FBXO16: variants seen among roughly 807,000 people sequenced by gnomAD.
FBXO16 encodes F-box protein 16, also known as F-box only protein 16.
A neutral mutation model predicts 41.0 loss-of-function variants in FBXO16; 31 were observed. That is an observed-to-expected ratio of 0.76 (90% CI 0.57 to 1.02). The LOEUF is 1.02. Among genes scored for constraint, FBXO16 ranks in the 50% least tolerant of loss-of-function variants. The pLI is 0.00. For missense variants in FBXO16, 361 were observed against 346.2 expected, an observed-to-expected ratio of 1.04 and a Z score of -0.34; for synonymous variants, 133 against 117.8, an observed-to-expected ratio of 1.13 and a Z score of -0.84.
At chr8:28,429,431 A>C (rs2130066737) in intron 7 of FBXO16, 28 bp from the exon 8 acceptor site, 2 of 1,613,420 alleles carry the variant, frequency 1.2e-6, no homozygotes, top group South Asian at 2.2e-5. Context: ...AGGGAAGAGA[A>C]TGGAGAGAGG....
chr8:28,480,189 T>C (rs1038711579), intron 2 of FBXO16, among the ~76,000 whole-genome samples: 1 of 152,184 alleles, frequency 6.6e-6, no homozygotes, highest in Non-Finnish European at 1.5e-5. Flanking sequence ...CCTTTATCAT[T>C]TTCCTTTTTC....
intron 3 of FBXO16, chr8:28,465,283 T>C (rs1803217088): frequency 8.6e-6 from 3 of 347,924 alleles, no homozygotes; most frequent in South Asian, 6.3e-5. Context: ...TCCTCAGAGC[T>C]GAGCAGAGGA....
intron 4 of FBXO16, among the ~76,000 whole-genome samples, chr8:28,459,620 CAAA>C (rs1203607328): frequency 2.1e-5 from 2 of 95,316 alleles, no homozygotes; most frequent in Admixed American, 1.1e-4. Flanking sequence ...GACCCTGTCT[CAAA>C]AATAATAATA....
chr8:28,444,365 C>T (rs1380997830), intron 7 of FBXO16, among the ~76,000 whole-genome samples: 2 of 146,226 alleles, frequency 1.4e-5, no homozygotes, highest in Non-Finnish European at 1.5e-5. Flanking sequence ...TGCAGTGGCG[C>T]GATCTCGGCT....
At chr8:28,439,518 G>A (rs188517729) in intron 7 of FBXO16, among the ~76,000 whole-genome samples, 1,558 of 152,216 alleles carry the variant, frequency 0.01, 23 homozygotes, top group African/African-American at 0.036. Context: ...CAGGAGGATC[G>A]CTTGAGGCCG....
At chr8:28,431,353 A>C (rs959155677) in intron 7 of FBXO16, among the ~76,000 whole-genome samples, 2 of 152,160 alleles carry the variant, frequency 1.3e-5, no homozygotes, top group African/African-American at 4.8e-5. Flanking sequence ...AAGCTGACAG[A>C]CCCTCTTCAT....
intron 7 of FBXO16, among the ~76,000 whole-genome samples, chr8:28,430,412 C>T (rs958408400): frequency 3.3e-5 from 5 of 152,162 alleles, no homozygotes; most frequent in Non-Finnish European, 5.9e-5. Flanking sequence ...CGACAGGTGT[C>T]TGCCTATAGT....
chr8:28,440,876 G>A (rs6558061), intron 7 of FBXO16, among the ~76,000 whole-genome samples: 89,777 of 152,042 alleles, frequency 0.59, 27,171 homozygotes, highest in East Asian at 0.86. Context: ...GCTAGACAAA[G>A]GGTATTTGTG....
intron 2 of FBXO16, among the ~76,000 whole-genome samples, chr8:28,482,952 A>T (rs1803539887): frequency 6.6e-6 from 1 of 152,152 alleles, no homozygotes; most frequent in African/African-American, 2.4e-5. Context: ...TATGTATCTT[A>T]TTAAATGTGC....
At chr8:28,488,754 T>A (rs1434310007) in intron 1 of FBXO16, among the ~76,000 whole-genome samples, 1 of 152,166 alleles carries the variant, frequency 6.6e-6, no homozygotes, top group Non-Finnish European at 1.5e-5. Flanking sequence ...TCATGTCACT[T>A]TTCAGCTCAA....
chr8:28,451,751 G>C (rs2130124983), intron 6 of FBXO16, among the ~76,000 whole-genome samples: 1 of 152,088 alleles, frequency 6.6e-6, no homozygotes, highest in South Asian at 2.1e-4. Context: ...AGGAGGCCGA[G>C]GCATGTGGAT....
At chr8:28,436,310 CT>C (rs1802686510) in intron 7 of FBXO16, among the ~76,000 whole-genome samples, 1 of 152,212 alleles carries the variant, frequency 6.6e-6, no homozygotes, top group South Asian at 2.1e-4. Flanking sequence ...GTAGGGACAC[CT>C]TCCAGAGGGC....
chr8:28,476,138 G>A (rs1803420066), intron 2 of FBXO16, among the ~76,000 whole-genome samples: 1 of 152,210 alleles, frequency 6.6e-6, no homozygotes, highest in Non-Finnish European at 1.5e-5. Flanking sequence ...CAATGATGGT[G>A]TGGCCCACTG....
chr8:28,474,758 A>T (rs1803397904), intron 2 of FBXO16, among the ~76,000 whole-genome samples: 1 of 152,226 alleles, frequency 6.6e-6, no homozygotes, highest in South Asian at 2.1e-4. Context: ...AGTCTTATTC[A>T]TCTTGACATC....
At chr8:28,449,980 G>GAA (rs1278726556) in intron 6 of FBXO16, among the ~76,000 whole-genome samples, 23 of 82,396 alleles carry the variant, frequency 2.8e-4, no homozygotes, top group African/African-American at 5.2e-4. Flanking sequence ...AAAAAAAAAA[G>GAA]AAAAAAAAAA....
intron 2 of FBXO16, 102 bp downstream of exon 2, chr8:28,483,246 C>A: frequency 9.1e-7 from 1 of 1,094,956 alleles, no homozygotes. Flanking sequence ...ATCCATTACA[C>A]AATCTTAAAT....
intron 7 of FBXO16, among the ~76,000 whole-genome samples, chr8:28,433,681 A>G (rs2130076780): frequency 6.6e-6 from 1 of 152,324 alleles, no homozygotes. Flanking sequence ...ATTAATGATA[A>G]ACATACCAAT....
At chr8:28,460,247 T>TATATATATATATA (rs57422429) in intron 4 of FBXO16, among the ~76,000 whole-genome samples, 2 of 53,362 alleles carry the variant, frequency 3.7e-5, no homozygotes, top group African/African-American at 8.8e-5. Flanking sequence ...ATATATATAT[T>TATATATATATATA]TTTTTTTTTT....
chr8:28,434,778 C>CGAGT (rs373398442), intron 7 of FBXO16, among the ~76,000 whole-genome samples: 15 of 152,152 alleles, frequency 9.9e-5, no homozygotes, highest in Non-Finnish European at 1.8e-4. Context: ...AGGGAGCATG[C>CGAGT]GAGTGAGTGA....
Sources: allele counts gnomAD v4.1 joint callset (sites outside exome capture counted in the v4.1 genomes callset), GRCh38; gene constraint gnomAD v4.1.1; transcripts MANE v1.5; gene names NCBI Gene and HGNC (gene_info 2026-07-23, HGNC 2026-07-21).